Variants in SPHKAP observed in about 807,000 individuals in gnomAD.
SPHKAP encodes A-kinase anchor protein SPHKAP.
A neutral mutation model predicts 137.5 loss-of-function variants in SPHKAP; 67 were observed. The ratio of observed to expected loss-of-function variants is 0.49; its 90% confidence interval spans 0.40 to 0.60. The LOEUF is 0.60. Ranked by LOEUF, SPHKAP falls within the 20% of genes least tolerant of loss-of-function variation. The pLI is 0.00. For synonymous variants in SPHKAP, 813 were observed against 785.3 expected (o/e 1.04, Z -0.59); for missense variants, 2,097 against 2,069.3 (o/e 1.01, Z -0.26).
chr2:228,068,939 T>C (rs993111965), intron 3 of SPHKAP, among the ~76,000 whole-genome samples: 8 of 152,322 alleles, frequency 5.3e-5, no homozygotes, highest in African/African-American at 1.4e-4. Context: ...TGTCCAAGCC[T>C]GGCCAGTCTG....
At chr2:228,028,981 G>A (rs1695176332) in intron 3 of SPHKAP, among the ~76,000 whole-genome samples, 1 of 152,182 alleles carries the variant, frequency 6.6e-6, no homozygotes. Flanking sequence ...GAATGGGTGG[G>A]GACCATCACT....
chr2:228,154,534 T>C (rs6739681), intron 1 of SPHKAP, among the ~76,000 whole-genome samples: 1 of 9,432 alleles, frequency 1.1e-4, no homozygotes, highest in African/African-American at 4.1e-4. Context: ...ATATATATAT[T>C]TTTTTTTTTT....
intron 11 of SPHKAP, among the ~76,000 whole-genome samples, chr2:227,989,708 C>A (rs188770038): frequency 3.3e-5 from 5 of 151,810 alleles, no homozygotes; most frequent in Non-Finnish European, 5.9e-5. Flanking sequence ...TGGGTTCAAG[C>A]GATTCTCCTG....
At chr2:228,138,084 G>T (rs1699490173) in intron 1 of SPHKAP, among the ~76,000 whole-genome samples, 1 of 152,186 alleles carries the variant, frequency 6.6e-6, no homozygotes, top group African/African-American at 2.4e-5. Flanking sequence ...CTGTAGAGAA[G>T]AATCCTGCTC....
At chr2:228,063,199 T>A (rs1243380829) in intron 3 of SPHKAP, among the ~76,000 whole-genome samples, 1 of 151,478 alleles carries the variant, frequency 6.6e-6, no homozygotes, top group Admixed American at 6.6e-5. Context: ...TGTCTGTCTA[T>A]CTATCTATCT....
rs1254937036 is a variant in SPHKAP at position 228,017,018 on chromosome 2, C to A, written c.3836G>T (p.Ser1279Ile). ...QDFLSVQPVSSASSSGLCKSD... is the reference protein window; with the variant it reads ...QDFLSVQPVSIASSSGLCKSD... The stretch of plus-strand genomic sequence containing the variant: ...TTTGCAGAGACCGGATGAGGACGCG[C>A]TACTGACCGGCTGCACGCTTAGGAA... Residue 1279 changes from serine to isoleucine, a missense_variant, in exon 7 of 12, where the codon AGC becomes ATC. Ser to Ile is a moderately radical substitution (Grantham distance 142). Transcript: ENST00000392056. The A allele has an allele frequency of 6.2e-6, 10 of 1,614,044 alleles. No homozygotes were observed. The highest frequency in any genetic ancestry group is 1.3e-5 in the African/African-American group (1 of 74,922).
intron 3 of SPHKAP, among the ~76,000 whole-genome samples, chr2:228,070,693 G>A (rs539650129): frequency 9.9e-4 from 150 of 151,900 alleles, no homozygotes; most frequent in Middle Eastern, 3.4e-3. Context: ...GTCATCTTTG[G>A]GCTCAATGGC....
intron 2 of SPHKAP, among the ~76,000 whole-genome samples, chr2:228,112,019 A>C (rs1224083616): frequency 6.6e-6 from 1 of 152,142 alleles, no homozygotes; most frequent in East Asian, 1.9e-4. Flanking sequence ...TAAATTATAT[A>C]ATGTAATTAA....
At chr2:228,122,258 C>G (rs12993813) in intron 2 of SPHKAP, among the ~76,000 whole-genome samples, 14,102 of 152,050 alleles carry the variant, frequency 0.093, 813 homozygotes, top group Middle Eastern at 0.13. Flanking sequence ...ATGTTCTAAG[C>G]TATTTGAAGT....
intron 7 of SPHKAP, among the ~76,000 whole-genome samples, chr2:227,996,479 T>C (rs541785528): frequency 2.0e-5 from 3 of 152,310 alleles, no homozygotes; most frequent in South Asian, 2.1e-4. Context: ...AGTGTAGCTA[T>C]AGCTGGCTCT....
At chr2:228,106,458 C>G (rs1357808258) in intron 3 of SPHKAP, among the ~76,000 whole-genome samples, 1 of 152,122 alleles carries the variant, frequency 6.6e-6, no homozygotes, top group East Asian at 1.9e-4. Context: ...CTCAGATTCT[C>G]TTGTGATTAT....
chr2:228,009,344 G>C (rs758402249), intron 7 of SPHKAP, among the ~76,000 whole-genome samples: 5 of 151,992 alleles, frequency 3.3e-5, no homozygotes, highest in Non-Finnish European at 5.9e-5. Flanking sequence ...GCCTTGATGT[G>C]ATTTTCTTTC....
rs891188332 is a variant in SPHKAP at position 228,169,261 on chromosome 2, A to T, written c.32+12306T>A. On this transcript the variant is annotated intron_variant, in intron 1 of 11. Coordinates refer to ENST00000392056, the MANE Select transcript of SPHKAP (RefSeq NM_001142644.2). The stretch of plus-strand genomic sequence containing the variant: ...ACAACAGATTTTCAATGTAAATGAA[A>T]AATCCTTACATTAGAACAAGATGCC... 7.2e-5 allele frequency among the ~76,000 whole-genome samples: 11 copies of T among 152,312 alleles called. 1 individual carries two copies. Among genetic ancestry groups the T allele is most frequent in the East Asian group, 5.8e-4 (3 of 5,190 alleles).
intron 3 of SPHKAP, among the ~76,000 whole-genome samples, chr2:228,076,926 G>A (rs531234232): frequency 4.6e-5 from 7 of 152,254 alleles, no homozygotes; most frequent in South Asian, 4.2e-4. Context: ...GAAGGAAAAC[G>A]TGGTTTTGTG....
intron 1 of SPHKAP, among the ~76,000 whole-genome samples, chr2:228,151,890 A>G (rs1384184211): frequency 6.6e-6 from 1 of 152,190 alleles, no homozygotes; most frequent in Non-Finnish European, 1.5e-5. Context: ...CGTTTCTCTT[A>G]AAATGGCTTT....
chr2:227,987,118 T>A (rs965215810), intron 11 of SPHKAP, among the ~76,000 whole-genome samples: 1 of 152,240 alleles, frequency 6.6e-6, no homozygotes, highest in Non-Finnish European at 1.5e-5. Flanking sequence ...TCAGTGTTTA[T>A]CAGAATCACA....
intron 3 of SPHKAP, 39 bp downstream of exon 3, chr2:228,108,793 G>A (rs777247107): frequency 6.7e-7 from 1 of 1,486,790 alleles, no homozygotes; most frequent in Non-Finnish European, 9.3e-7. Context: ...CCGCTTCCCT[G>A]CTTTATCAGA....
In SPHKAP at chr2:228,096,267, A is replaced by AATTATAC. The variant is rs1697979409; in HGVS notation, c.246+12564_246+12565insGTATAAT. Among the ~76,000 whole-genome samples, 3 of 152,208 alleles carry AATTATAC rather than the reference A, an allele frequency of 2.0e-5. No individual in the cohort carries two copies. The South Asian group carries it at 6.2e-4, about 32-fold the overall frequency. ...AGATGTAGAAGACTTTGAATTGGAT[A>AATTATAC]CTTGGGTGCAATTATACCTACTGGA... On this transcript the variant is annotated intron_variant, in intron 3 of 11. Transcript: ENST00000392056.
At chr2:227,990,424 C>T (rs533901494) in intron 11 of SPHKAP, among the ~76,000 whole-genome samples, 2 of 152,284 alleles carry the variant, frequency 1.3e-5, no homozygotes, top group Non-Finnish European at 2.9e-5. Flanking sequence ...CTCTTAATAG[C>T]TAAGATTCTA....
Sources: gnomAD v4.1 joint callset for allele counts (sites outside exome capture counted in the v4.1 genomes callset) on GRCh38, gnomAD v4.1.1 for gene constraint, MANE v1.5 for transcripts, NCBI Gene and HGNC (gene_info 2026-07-23, HGNC 2026-07-21) for gene names.